Variants in LPP observed in about 807,000 individuals in gnomAD.
LPP encodes lipoma-preferred partner.
Under a neutral mutation model 60.4 loss-of-function variants are expected in LPP, and 38 were observed. The observed-to-expected ratio is 0.63, with a 90% CI of 0.49 to 0.83. LPP has a LOEUF of 0.83. Ranked by LOEUF, LPP falls within the 40% of genes least tolerant of loss-of-function variation. The pLI is 0.00. For missense variants in LPP, 902 were observed against 783.6 expected, an observed-to-expected ratio of 1.15 and a Z score of -1.80; for synonymous variants, 328 against 290.8, an observed-to-expected ratio of 1.13 and a Z score of -1.30.
intron 6 of LPP, among the ~76,000 whole-genome samples, chr3:188,608,895 C>CT (rs751020495): frequency 1.6e-4 from 24 of 152,090 alleles, no homozygotes; most frequent in Non-Finnish European, 3.1e-4. Context: ...CCTTAGATAA[C>CT]TTTTTTCCAA....
chr3:188,318,240 G>GA (rs1247648088), intron 2 of LPP, among the ~76,000 whole-genome samples: 2 of 151,980 alleles, frequency 1.3e-5, no homozygotes, highest in Admixed American at 6.5e-5. Flanking sequence ...CCAAATACCT[G>GA]AAAAAATGTT....
intron 1 of LPP, among the ~76,000 whole-genome samples, chr3:188,203,576 TA>T (rs1361900509): frequency 5.9e-5 from 6 of 101,704 alleles, no homozygotes; most frequent in African/African-American, 2.3e-4. Context: ...AATATATATT[TA>T]AATATATATA....
chr3:188,321,443 A>C, intron 2 of LPP, among the ~76,000 whole-genome samples: 1 of 152,226 alleles, frequency 6.6e-6, no homozygotes, highest in East Asian at 1.9e-4. Context: ...GCTGGCTTAG[A>C]GCCTGGGAAG....
chr3:188,588,434 C>T (rs1837958499), intron 6 of LPP, among the ~76,000 whole-genome samples: 1 of 152,174 alleles, frequency 6.6e-6, no homozygotes, highest in Non-Finnish European at 1.5e-5. Context: ...TTATCCTTCA[C>T]AATCTGTCCT....
chr3:188,261,914 C>G (rs1208043403), intron 2 of LPP, among the ~76,000 whole-genome samples: 1 of 152,178 alleles, frequency 6.6e-6, no homozygotes, highest in Non-Finnish European at 1.5e-5. Flanking sequence ...GCAACTCTGT[C>G]TATAAAACAA....
intron 9 of LPP, among the ~76,000 whole-genome samples, chr3:188,786,021 G>T (rs758247062): frequency 6.6e-5 from 10 of 152,026 alleles, no homozygotes; most frequent in Non-Finnish European, 1.3e-4. Flanking sequence ...TAGCCATTCT[G>T]ATAGGTGTGT....
chr3:188,615,849 T>A (rs1377555694), intron 7 of LPP, among the ~76,000 whole-genome samples: 1 of 152,208 alleles, frequency 6.6e-6, no homozygotes, highest in Non-Finnish European at 1.5e-5. Context: ...ATGTTGAACT[T>A]TTTTTCATAT....
At chr3:188,225,275 G>A (rs1445595678) in intron 1 of LPP, 130 bp from the exon 2 acceptor site, 2 of 152,196 alleles carry the variant, frequency 1.3e-5, no homozygotes, top group African/African-American at 4.8e-5. Flanking sequence ...AAGAGTGCCA[G>A]GATCTGACTA....
At chr3:188,243,361 G>A (rs186723372) in intron 2 of LPP, among the ~76,000 whole-genome samples, 17 of 152,174 alleles carry the variant, frequency 1.1e-4, no homozygotes, top group Non-Finnish European at 2.1e-4. Flanking sequence ...ACAAGAAATT[G>A]GCAATTCTTT....
chr3:188,447,409 A>T (rs1474531070), intron 4 of LPP, among the ~76,000 whole-genome samples: 1 of 152,080 alleles, frequency 6.6e-6, no homozygotes, highest in Admixed American at 6.6e-5. Flanking sequence ...CAGGAGATCG[A>T]GACCAGCCTG....
intron 2 of LPP, among the ~76,000 whole-genome samples, chr3:188,261,783 AC>A (rs1733741039): frequency 6.6e-6 from 1 of 151,940 alleles, no homozygotes; most frequent in Non-Finnish European, 1.5e-5. Context: ...ATGTGGTGGC[AC>A]ATATCTGTAG....
intron 6 of LPP, among the ~76,000 whole-genome samples, chr3:188,602,373 T>A (rs1030142374): frequency 6.6e-6 from 1 of 150,952 alleles, no homozygotes; most frequent in African/African-American, 2.4e-5. Flanking sequence ...TAGGATAAAA[T>A]GATGATGTAA....
chr3:188,342,589 A>G (rs966638753), intron 3 of LPP, among the ~76,000 whole-genome samples: 3 of 152,222 alleles, frequency 2.0e-5, no homozygotes, highest in Non-Finnish European at 4.4e-5. Context: ...ATCATTATTT[A>G]GAGTACTATA....
chr3:188,860,443 A>G (rs755597653), intron 9 of LPP, among the ~76,000 whole-genome samples: 8 of 152,038 alleles, frequency 5.3e-5, no homozygotes, highest in Non-Finnish European at 1.0e-4. Flanking sequence ...AAATGATGGC[A>G]TTCATTCAGC....
chr3:188,607,370 GATATATATATATATAT>G (rs10527365), intron 6 of LPP, among the ~76,000 whole-genome samples: 3,806 of 102,616 alleles, frequency 0.037, 162 homozygotes, highest in Admixed American at 0.079. Flanking sequence ...GAAAATAGAA[GATATATATATATATAT>G]ATATATATAT....
Position 188,609,072 on chromosome 3 carries a change from A to T in LPP, c.430-89A>T. On this transcript the variant is annotated intron_variant, in intron 6 of 11. Coordinates refer to ENST00000617246, the MANE Select transcript of LPP (RefSeq NM_001375462.1). The surrounding 1 kb of genome is among the most constrained non-coding windows in gnomAD (Gnocchi z 6.9). ...TAGTAATAAATAATAATTAGCAGTT[A>T]TTAATATTTTTCATTTATTCATTTT... 1 of 933,752 alleles carries T rather than the reference A, an allele frequency of 1.1e-6. No homozygotes were observed. The highest frequency in any genetic ancestry group is 1.6e-6 in the Non-Finnish European group (1 of 617,074). 57.8% of individuals were successfully genotyped at this position (933,752 alleles called of 1,614,324 possible). A position where few individuals can be genotyped will look rare whatever the true frequency, so the allele number is the denominator to read the frequency against.
At chr3:188,687,103 G>T (rs1366453920) in intron 7 of LPP, among the ~76,000 whole-genome samples, 2 of 152,168 alleles carry the variant, frequency 1.3e-5, no homozygotes, top group Non-Finnish European at 2.9e-5. Context: ...GAATATATCT[G>T]GTTATAGCTT....
intron 5 of LPP, among the ~76,000 whole-genome samples, chr3:188,492,713 A>G (rs1176474131): frequency 6.6e-6 from 1 of 152,166 alleles, no homozygotes; most frequent in Non-Finnish European, 1.5e-5. Context: ...ACAAACAAAC[A>G]AAAACAGTAA....
intron 2 of LPP, among the ~76,000 whole-genome samples, chr3:188,244,184 A>G (rs1020248298): frequency 1.3e-5 from 2 of 152,212 alleles, no homozygotes; most frequent in Admixed American, 1.3e-4. Flanking sequence ...ATACAATTGT[A>G]GGAAGGCTGA....
Sources: gnomAD v4.1 joint callset for allele counts (sites outside exome capture counted in the v4.1 genomes callset) on GRCh38, gnomAD v4.1.1 for gene constraint, Gnocchi (gnomAD v3.1) non-coding constraint, MANE v1.5 for transcripts, NCBI Gene and HGNC (gene_info 2026-07-23, HGNC 2026-07-21) for gene names.